The following FBXO3 variants were observed in gnomAD, a reference collection of about 807,000 sequenced individuals.
The protein encoded by FBXO3 is F-box only protein 3.
In FBXO3, 17 loss-of-function variants were observed where a neutral mutation model predicts 64.8. The observed-to-expected ratio is 0.26, with a 90% CI of 0.18 to 0.39. The LOEUF (loss-of-function observed/expected upper bound fraction) is 0.39, where lower values mean the gene tolerates loss of function less well. Ranked by LOEUF, FBXO3 falls within the 10% of genes least tolerant of loss-of-function variation. The pLI is 1.00. For missense variants in FBXO3, 420 were observed against 589.9 expected (o/e 0.71, Z 2.98); for synonymous variants, 182 against 201.6 (o/e 0.90, Z 0.82).
intron 7 of FBXO3, 76 bp from the exon 8 acceptor site, chr11:33,750,737 T>G: frequency 2.2e-6 from 3 of 1,360,724 alleles, no homozygotes; most frequent in Non-Finnish European, 3.0e-6. Flanking sequence ...AGGTTATACT[T>G]TAGGACAAAA....
At chr11:33,757,680 A>AAAAAAAAAAAAAAAAAAAAC (rs1855140901) in intron 4 of FBXO3, among the ~76,000 whole-genome samples, 1 of 143,030 alleles carries the variant, frequency 7.0e-6, no homozygotes, top group Non-Finnish European at 1.5e-5. Flanking sequence ...AAAAAAAAAA[A>AAAAAAAAAAAAAAAAAAAAC]AGTCTGGGTG....
chr11:33,758,751 C>A, intron 3 of FBXO3, 150 bp from the exon 4 acceptor site: 1 of 513,236 alleles, frequency 1.9e-6, no homozygotes, highest in African/African-American at 2.0e-5. Flanking sequence ...GAATTGAAAA[C>A]TAATTTGAAG....
intron 3 of FBXO3, among the ~76,000 whole-genome samples, chr11:33,766,813 C>T (rs567024107): frequency 1.2e-4 from 19 of 152,042 alleles, no homozygotes; most frequent in Admixed American, 7.2e-4. Flanking sequence ...CCTAGGGTTC[C>T]AAGAACCCAC....
At chr11:33,751,999 T>C (rs1854972883) in intron 6 of FBXO3, among the ~76,000 whole-genome samples, 2 of 152,194 alleles carry the variant, frequency 1.3e-5, no homozygotes, top group South Asian at 2.1e-4. Context: ...AAGAAAAATA[T>C]CAGCACCTAT....
chr11:33,762,036 T>C (rs1855256257), intron 3 of FBXO3, among the ~76,000 whole-genome samples: 2 of 152,224 alleles, frequency 1.3e-5, no homozygotes, highest in Non-Finnish European at 2.9e-5. Context: ...CTTAATTACA[T>C]ATGCAAAATC....
chr11:33,752,461 C>G (rs1854985178), intron 6 of FBXO3, among the ~76,000 whole-genome samples: 1 of 152,160 alleles, frequency 6.6e-6, no homozygotes, highest in African/African-American at 2.4e-5. Flanking sequence ...TACACTCTGT[C>G]ACACTGAATG....
intron 3 of FBXO3, among the ~76,000 whole-genome samples, chr11:33,764,326 C>T (rs929240769): frequency 6.6e-6 from 1 of 152,162 alleles, no homozygotes; most frequent in Non-Finnish European, 1.5e-5. Flanking sequence ...ATAGTGGTTG[C>T]CTCTGTGAAA....
rs375990602 is a variant in FBXO3, at chr11:33,743,210, G to A, written c.1240-1126C>T. 2.0e-5 allele frequency: 3 copies of A among 152,200 alleles called. No individual in the cohort carries two copies. The South Asian group carries it at 6.2e-4, about 31-fold the overall frequency. 9.4% of individuals were successfully genotyped at this position (152,200 alleles called of 1,614,324 possible). A position where few individuals can be genotyped will look rare whatever the true frequency, so the allele number is the denominator to read the frequency against. ...TCAGAAATCACAGTGTCACTTTGCC[G>A]ATTCGTTATAAGTATATATCTAAGA... On this transcript the variant is annotated intron_variant, in intron 10 of 10. Coordinates refer to ENST00000265651, the MANE Select transcript of FBXO3 (RefSeq NM_012175.4). This position sits in a 1 kb window ranked among gnomAD's most constrained non-coding sequence, Gnocchi z 4.6.
chr11:33,754,432 A>G (rs753055093), intron 6 of FBXO3, 23 bp downstream of exon 6: 1 of 1,568,004 alleles, frequency 6.4e-7, no homozygotes, highest in Non-Finnish European at 8.6e-7. Flanking sequence ...AGAAGGGGGA[A>G]AAAAGACTTT....
chr11:33,753,295 G>A (rs150135853), intron 6 of FBXO3: 1 of 152,268 alleles, frequency 6.6e-6, no homozygotes, highest in East Asian at 1.9e-4. Context: ...TACTGGCATA[G>A]TATTATTACA....
rs538126910 is a variant in FBXO3 at position 33,769,616 on chromosome 11, T to C, written c.195-602A>G. On this transcript the variant is annotated intron_variant, in intron 2 of 10. Coordinates refer to ENST00000265651, the MANE Select transcript of FBXO3 (RefSeq NM_012175.4). ...GTATAAAATTAAGAATCAGAAGTGA[T>C]AGAGGGTAAGGCAGCCACAGACGGC... Among the ~76,000 whole-genome samples, 127 of 152,094 alleles carry C rather than the reference T, an allele frequency of 8.4e-4. 1 individual carries two copies. The highest frequency in any genetic ancestry group is 2.9e-3 in the African/African-American group (121 of 41,496).
intron 7 of FBXO3, 22 bp from the exon 8 acceptor site, chr11:33,750,683 C>T (rs1380469886): frequency 1.9e-6 from 3 of 1,597,178 alleles, no homozygotes; most frequent in Non-Finnish European, 2.6e-6. Flanking sequence ...AAAAATTAAA[C>T]ATTTTAAAAT....
At chr11:33,757,767 G>A (rs140238098) in intron 4 of FBXO3, among the ~76,000 whole-genome samples, 2,404 of 149,532 alleles carry the variant, frequency 0.016, 73 homozygotes, top group African/African-American at 0.05. Flanking sequence ...GACCAGCCTG[G>A]GCAACATGAC....
intron 3 of FBXO3, among the ~76,000 whole-genome samples, chr11:33,761,155 A>G (rs149566419): frequency 6.6e-6 from 1 of 152,276 alleles, no homozygotes; most frequent in Non-Finnish European, 1.5e-5. Flanking sequence ...AAAAGAAAGG[A>G]GAAGAGAATG....
chr11:33,742,046 CTCT>C lies in FBXO3; in HGVS notation c.1275_1277del (p.Glu433del), dbSNP rs746337901. ...CGTCTTCCTCCTCTTCCTCCTCCTC[CTCT>C]TCTTCCATCTCTTCATATTCATCAG... On this transcript the variant is annotated inframe_deletion, in exon 11 of 11. Transcript: ENST00000265651. The C allele has an allele frequency of 1.8e-4, 289 of 1,594,782 alleles. 2 individuals carry two copies. In the South Asian group the frequency reaches 2.1e-3, roughly 11 times the overall value.
At chr11:33,763,626 CAAAAAAAAAA>C (rs33923647) in intron 3 of FBXO3, among the ~76,000 whole-genome samples, 144 of 103,004 alleles carry the variant, frequency 1.4e-3, no homozygotes, top group African/African-American at 4.9e-3. Context: ...AGAATATCTA[CAAAAAAAAAA>C]AAAAAAAAAA....
In FBXO3 at chr11:33,741,908, C is replaced by G; in HGVS notation, c.1416G>C (p.Ter472TyrextTer5). ...AGTGCTTCCATCAGCAGAAGGCTTG[C>G]TAAAAAAGGCGTGAGCAGCGGCGTC... The part of the protein sequence containing the change: ...IRRRRCSRLF[*>Y] Residue 472 changes from the stop codon to tyrosine, a stop_lost, in exon 11 of 11, where the codon TAG (stop) becomes TAC (tyrosine). Transcript: ENST00000265651. 6.2e-7 allele frequency: 1 copy of G among 1,609,158 alleles called. No individual in the cohort carries two copies. The highest frequency in any genetic ancestry group is 8.5e-7 in the Non-Finnish European group (1 of 1,177,708).
intron 3 of FBXO3, among the ~76,000 whole-genome samples, chr11:33,759,005 A>T (rs188453006): frequency 5.3e-4 from 81 of 152,174 alleles, no homozygotes; most frequent in Admixed American, 5.3e-3. Flanking sequence ...TCTTAATGGG[A>T]AATATAGGAC....
intron 6 of FBXO3, among the ~76,000 whole-genome samples, chr11:33,752,121 C>T (rs1159437290): frequency 2.0e-5 from 3 of 152,178 alleles, no homozygotes; most frequent in Non-Finnish European, 4.4e-5. Context: ...TTCTGTGCAT[C>T]GGGCCAATCC....
Sources: gnomAD v4.1 joint callset for allele counts (sites outside exome capture counted in the v4.1 genomes callset) on GRCh38, gnomAD v4.1.1 for gene constraint, Gnocchi (gnomAD v3.1) non-coding constraint, MANE v1.5 for transcripts, NCBI Gene and HGNC (gene_info 2026-07-23, HGNC 2026-07-21) for gene names.